AGBL4: variants seen among roughly 807,000 people sequenced by gnomAD.
AGBL4 encodes the protein AGBL carboxypeptidase 4, also known as cytosolic carboxypeptidase 6.
AGBL4 carries 58 observed loss-of-function variants against 66.4 expected under a neutral mutation model. That is an observed-to-expected ratio of 0.87 (90% CI 0.71 to 1.09). AGBL4 has a LOEUF of 1.09. Ranked by LOEUF, AGBL4 falls within the 50% of genes least tolerant of loss-of-function variation. The pLI, the probability that AGBL4 is intolerant of heterozygous loss-of-function variation, is 0.00. For missense variants in AGBL4, 579 were observed against 631.0 expected, an observed-to-expected ratio of 0.92 and a Z score of 0.88; for synonymous variants, 234 against 222.9, an observed-to-expected ratio of 1.05 and a Z score of -0.44.
rs35648756 is a variant in AGBL4, at chr1:50,019,306, T to TCACACACA, written c.34+4449_34+4456dup. Among the ~76,000 whole-genome samples the TCACACACA allele has an allele frequency of 6.5e-3, 316 of 48,414 alleles. 6 individuals are homozygous for TCACACACA. Among genetic ancestry groups the TCACACACA allele is most frequent in the African/African-American group, 0.013 (170 of 13,520 alleles). 31.8% of individuals were successfully genotyped at this position (48,414 alleles called of 152,430 possible). On this transcript the variant is annotated intron_variant, in intron 1 of 13. Transcript: ENST00000371839. ...CTCTCTCTCTCTCTCTCTCTCTCTC[T>TCACACACA]CACACACACACACACACACACACAC... is the stretch of plus-strand genomic sequence containing the variant.
At chr1:49,128,477 A>C (rs1645811434) in intron 4 of AGBL4, among the ~76,000 whole-genome samples, 1 of 152,068 alleles carries the variant, frequency 6.6e-6, no homozygotes, top group African/African-American at 2.4e-5. Context: ...AAAATAATCA[A>C]GAATGTGCAA....
intron 2 of AGBL4, among the ~76,000 whole-genome samples, chr1:49,725,682 G>GTTTTCT (rs1648968991): frequency 8.4e-6 from 1 of 119,084 alleles, no homozygotes; most frequent in Admixed American, 8.9e-5. Flanking sequence ...TCCTTTGTGG[G>GTTTTCT]TTTTTTTTTT....
At chr1:49,927,378 G>C (rs1652884038) in intron 1 of AGBL4, among the ~76,000 whole-genome samples, 1 of 152,240 alleles carries the variant, frequency 6.6e-6, no homozygotes, top group South Asian at 2.1e-4. Flanking sequence ...GAGACCTAAA[G>C]AAACTTACAA....
intron 3 of AGBL4, among the ~76,000 whole-genome samples, chr1:49,258,213 G>A (rs1480725276): frequency 2.0e-5 from 3 of 152,138 alleles, no homozygotes; most frequent in Non-Finnish European, 4.4e-5. Flanking sequence ...GGAAAAAACA[G>A]AGCAGAAAAA....
At chr1:49,759,065 G>T (rs555111878) in intron 2 of AGBL4, among the ~76,000 whole-genome samples, 55 of 152,218 alleles carry the variant, frequency 3.6e-4, no homozygotes, top group African/African-American at 1.3e-3. Flanking sequence ...TTTATAAATA[G>T]CAGTTTCCCC....
intron 3 of AGBL4, among the ~76,000 whole-genome samples, chr1:49,601,137 T>C (rs1027963477): frequency 6.6e-6 from 1 of 152,212 alleles, no homozygotes; most frequent in Non-Finnish European, 1.5e-5. Context: ...AATATCTTTT[T>C]GGTGTTCTCT....
intron 1 of AGBL4, among the ~76,000 whole-genome samples, chr1:49,884,251 G>A (rs1301332075): frequency 6.6e-6 from 1 of 151,864 alleles, no homozygotes; most frequent in Admixed American, 6.6e-5. Context: ...ACTTTGTTAA[G>A]TAATTTAACC....
At chr1:49,452,801 G>T (rs2148684647) in intron 3 of AGBL4, among the ~76,000 whole-genome samples, 1 of 151,894 alleles carries the variant, frequency 6.6e-6, no homozygotes, top group African/African-American at 2.4e-5. Context: ...TCCCCTAAAG[G>T]AATTATCATT....
intron 6 of AGBL4, among the ~76,000 whole-genome samples, chr1:48,673,890 C>T (rs1243851532): frequency 6.6e-6 from 1 of 152,174 alleles, no homozygotes; most frequent in Non-Finnish European, 1.5e-5. Context: ...CTCAACACCG[C>T]CCCCATTGCA....
chr1:49,596,867 G>C (rs1036663208), intron 3 of AGBL4, among the ~76,000 whole-genome samples: 2 of 152,158 alleles, frequency 1.3e-5, no homozygotes, highest in Admixed American at 1.3e-4. Flanking sequence ...CTCTCTCAGA[G>C]AGGAACAGAG....
At chr1:48,991,989 G>A (rs1264701614) in intron 5 of AGBL4, among the ~76,000 whole-genome samples, 1 of 152,116 alleles carries the variant, frequency 6.6e-6, no homozygotes, top group Non-Finnish European at 1.5e-5. Context: ...GGTCCCTGGT[G>A]TCTTATTTGG....
intron 2 of AGBL4, among the ~76,000 whole-genome samples, chr1:49,720,750 A>AT (rs765643340): frequency 2.6e-5 from 4 of 152,190 alleles, no homozygotes; most frequent in Non-Finnish European, 4.4e-5. Flanking sequence ...AAAAGAAGCT[A>AT]TTAATCAATT....
chr1:49,939,961 G>A (rs1654564589), intron 1 of AGBL4, among the ~76,000 whole-genome samples: 1 of 152,084 alleles, frequency 6.6e-6, no homozygotes. Flanking sequence ...ATCTGACAAA[G>A]GGCTAATATC....
intron 1 of AGBL4, among the ~76,000 whole-genome samples, chr1:49,942,219 C>T (rs1299829566): frequency 6.6e-6 from 1 of 151,906 alleles, no homozygotes. Flanking sequence ...AACCTCATGT[C>T]GATAGACCGG....
intron 4 of AGBL4, among the ~76,000 whole-genome samples, chr1:49,127,154 T>C (rs1387968555): frequency 6.6e-6 from 1 of 152,170 alleles, no homozygotes; most frequent in Non-Finnish European, 1.5e-5. Flanking sequence ...GGGGAAAATA[T>C]GAAGTGAGCC....
At chr1:49,537,127 C>G (rs560611671) in intron 3 of AGBL4, among the ~76,000 whole-genome samples, 1 of 151,958 alleles carries the variant, frequency 6.6e-6, no homozygotes, top group African/African-American at 2.4e-5. Context: ...TATCTCTCAC[C>G]GTATATAAAA....
At chr1:49,337,518 G>C (rs1420694547) in intron 3 of AGBL4, among the ~76,000 whole-genome samples, 1 of 152,128 alleles carries the variant, frequency 6.6e-6, no homozygotes, top group Admixed American at 6.5e-5. Context: ...TCTTGCTCTT[G>C]GAGCACTTTG....
intron 6 of AGBL4, among the ~76,000 whole-genome samples, chr1:48,767,849 C>T (rs577238014): frequency 1.3e-5 from 2 of 152,258 alleles, no homozygotes; most frequent in South Asian, 4.1e-4. Context: ...GGGCATTATC[C>T]TTTTCCTCCT....
At position 49,793,353 on chromosome 1, in the gene AGBL4, A is replaced by G. The variant is rs562341533; in HGVS notation, c.157+58043T>C. On this transcript the variant is annotated intron_variant, in intron 2 of 13. Transcript: ENST00000371839. ...ATCCGTTGATACTAAACGGATTTCT[A>G]GCTTCTCTGACCATGTTCCTCCATG... 2.0e-5 allele frequency among the ~76,000 whole-genome samples: 3 copies of G among 152,042 alleles called. No individual in the cohort carries two copies. In the South Asian group the frequency reaches 6.2e-4, roughly 31 times the overall value.
Sources: allele counts gnomAD v4.1 joint callset (sites outside exome capture counted in the v4.1 genomes callset), GRCh38; gene constraint gnomAD v4.1.1; transcripts MANE v1.5; gene names NCBI Gene and HGNC (gene_info 2026-07-23, HGNC 2026-07-21).